The following SLC43A2 variants were observed in gnomAD, a reference collection of about 807,000 sequenced individuals.
The protein encoded by SLC43A2 is solute carrier family 43 member 2.
Under a neutral mutation model 63.2 loss-of-function variants are expected in SLC43A2, and 38 were observed. The ratio of observed to expected loss-of-function variants is 0.60; its 90% confidence interval spans 0.46 to 0.79. SLC43A2 has a LOEUF of 0.79. SLC43A2 is among the 30% of genes least tolerant of loss of function. The pLI is 0.00. For missense variants in SLC43A2, 644 were observed against 756.2 expected (o/e 0.85, Z 1.74); for synonymous variants, 322 against 331.0 (o/e 0.97, Z 0.30).
chr17:1,602,421 G>A (rs1461147054), intron 5 of SLC43A2, among the ~76,000 whole-genome samples: 4 of 152,072 alleles, frequency 2.6e-5, no homozygotes, highest in Admixed American at 2.0e-4. Flanking sequence ...CGAGGCAAGC[G>A]GATCACCTGA....
intron 9 of SLC43A2, among the ~76,000 whole-genome samples, chr17:1,587,193 C>T (rs1469128308): frequency 1.3e-5 from 2 of 152,224 alleles, no homozygotes; most frequent in African/African-American, 2.4e-5. Flanking sequence ...ATGCCCAGCC[C>T]GGGCCCCTGC....
chr17:1,615,475 G>A (rs1907510902), intron 3 of SLC43A2, among the ~76,000 whole-genome samples: 1 of 150,998 alleles, frequency 6.6e-6, no homozygotes, highest in Admixed American at 6.6e-5. Flanking sequence ...GGGGCCGGGA[G>A]CCACTGCACT....
chr17:1,584,866 C>G (rs77941097), intron 10 of SLC43A2, among the ~76,000 whole-genome samples: 4,209 of 152,212 alleles, frequency 0.028, 160 homozygotes, highest in African/African-American at 0.089. Context: ...TTAACTCATC[C>G]TCTGATCTTG....
chr17:1,591,713 C>T lies in SLC43A2; in HGVS notation c.595-14G>A, dbSNP rs753548149. 2.3e-4 allele frequency: 35 copies of T among 154,114 alleles called. No individual in the cohort carries two copies. The Middle Eastern group carries it at 0.012, about 53-fold the overall frequency. 9.5% of individuals were successfully genotyped at this position (154,114 alleles called of 1,614,324 possible). A position where few individuals can be genotyped will look rare whatever the true frequency, so the allele number is the denominator to read the frequency against. ...ATCATAGATGAGCTGACAGGCACCG[C>T]GGGGACGGGGTGGGGGGGGGAGGGG... On this transcript the variant is annotated splice_polypyrimidine_tract_variant and intron_variant, in intron 6 of 13. Coordinates refer to ENST00000301335, the MANE Select transcript of SLC43A2 (RefSeq NM_152346.3).
At chr17:1,592,653 G>A (rs1363862551) in intron 6 of SLC43A2, among the ~76,000 whole-genome samples, 2 of 152,196 alleles carry the variant, frequency 1.3e-5, no homozygotes, top group East Asian at 1.9e-4. Flanking sequence ...GGTGGGAGAA[G>A]CCCCTACGGG....
At chr17:1,627,660 C>G in intron 2 of SLC43A2, 55 bp downstream of exon 2, 1 of 812,642 alleles carries the variant, frequency 1.2e-6, no homozygotes. Context: ...CCATCCCGCC[C>G]CCTCCCAAAG....
rs766512850 is a variant in SLC43A2, at chr17:1,591,481, C to G, written c.729-10G>C. 6.2e-7 allele frequency: 1 copy of G among 1,612,440 alleles called. No individual in the cohort carries two copies. The highest frequency in any genetic ancestry group is 1.7e-5 in the Admixed American group (1 of 59,996). On this transcript the variant is annotated splice_polypyrimidine_tract_variant and intron_variant, in intron 7 of 13. Transcript: ENST00000301335. ...GAACTTGATCTTCACCCTGGGGCCC[C>G]GGGAGAGTGTCTGTGGGTGCTGCCC... is the stretch of plus-strand genomic sequence containing the variant.
At chr17:1,589,649 GCA>G (rs1904564216) in intron 9 of SLC43A2, among the ~76,000 whole-genome samples, 2 of 151,960 alleles carry the variant, frequency 1.3e-5, no homozygotes, top group Non-Finnish European at 2.9e-5. Context: ...AGATGGAGTC[GCA>G]CTCTGTCGCC....
chr17:1,602,790 C>T (rs1194999834), intron 5 of SLC43A2, among the ~76,000 whole-genome samples: 2 of 132,818 alleles, frequency 1.5e-5, no homozygotes, highest in African/African-American at 5.7e-5. Flanking sequence ...TGGAGTTTCG[C>T]TCTTATTGCC....
At chr17:1,597,144 C>T (rs1169494368) in intron 5 of SLC43A2, among the ~76,000 whole-genome samples, 3 of 150,600 alleles carry the variant, frequency 2.0e-5, no homozygotes, top group East Asian at 4.0e-4. Flanking sequence ...TGAACCCAGG[C>T]GGGGGTTGCA....
rs754183781 is a variant in SLC43A2 at position 1,575,069 on chromosome 17, C to T, written c.*535G>A. The T allele has an allele frequency of 1.4e-3, 228 of 167,152 alleles. No homozygotes were observed. Among genetic ancestry groups the T allele is most frequent in the Non-Finnish European group, 2.3e-3 (174 of 75,704 alleles). The allele number at this position is 167,152 out of a possible 1,614,324, so 10.4% of individuals were successfully genotyped here. A position where few individuals can be genotyped will look rare whatever the true frequency, so the allele number is the denominator to read the frequency against. ...CAGGCCCTGGACAGGCGACAGGGGG[C>T]TGGAATTACAAAGGAATTAGCACCG... On this transcript the variant is annotated 3_prime_UTR_variant, in exon 14 of 14. Transcript: ENST00000301335.
intron 5 of SLC43A2, among the ~76,000 whole-genome samples, chr17:1,609,978 C>T (rs552904238): frequency 2.0e-5 from 3 of 151,852 alleles, no homozygotes; most frequent in East Asian, 1.9e-4. Flanking sequence ...GCCGCGGTCT[C>T]GGCTCACTGC....
intron 2 of SLC43A2, among the ~76,000 whole-genome samples, chr17:1,625,764 G>A (rs1322106605): frequency 6.6e-6 from 1 of 152,174 alleles, no homozygotes; most frequent in African/African-American, 2.4e-5. Flanking sequence ...AGGAGCAAAA[G>A]TTCGGGATAA....
At chr17:1,604,961 G>A in intron 5 of SLC43A2, 2 of 1,491,932 alleles carry the variant, frequency 1.3e-6, no homozygotes, top group East Asian at 2.5e-5. Context: ...TGAGCGCTGA[G>A]CAGAGCGCCC....
At position 1,575,696 on chromosome 17, in the gene SLC43A2, G is replaced by T. The variant is rs200306780; in HGVS notation, c.1618C>A (p.Arg540Ser). The change falls in exon 14 of 14, where the codon CGC becomes AGC. Residue 540 changes from arginine to serine, a missense_variant. Arg to Ser is a moderately radical substitution (Grantham distance 110). Transcript: ENST00000301335. The part of the protein sequence containing the change: ...CLPLYLICYR[R>S]QLERQLQQRQ... ...TGCTGCAGCTGCCGCTCCAGCTGGC[G>T]CCGGTAGCAGATCAGGTAGAGCGGG... 11 of 1,614,042 alleles carry T rather than the reference G, an allele frequency of 6.8e-6. 1 individual carries two copies. The East Asian group carries it at 1.3e-4, about 20-fold the overall frequency.
chr17:1,592,381 C>T (rs1447729094), intron 6 of SLC43A2, among the ~76,000 whole-genome samples: 3 of 152,216 alleles, frequency 2.0e-5, no homozygotes, highest in Non-Finnish European at 2.9e-5. Flanking sequence ...GAGCCGAGAT[C>T]GTGCTGCTGC....
chr17:1,622,052 T>C (rs1328146355), intron 2 of SLC43A2, among the ~76,000 whole-genome samples: 1 of 152,132 alleles, frequency 6.6e-6, no homozygotes, highest in Non-Finnish European at 1.5e-5. Context: ...CCAGTGGATG[T>C]CTGTGAGGGA....
rs546457275 is a variant in SLC43A2, at chr17:1,591,649, G to A, written c.645C>T (p.Ala215=). ...VSFIVVLVVW[A]GCSGLVFLNC... is the part of the protein sequence containing the mutation. ...TGAGGAAAACCAGCCCGGAGCAGCCGGCCCAGACCACGAGGACGACGATGA... is the reference window on the plus strand; with the variant it reads ...TGAGGAAAACCAGCCCGGAGCAGCCAGCCCAGACCACGAGGACGACGATGA... The change falls in exon 7 of 14, where the codon GCC becomes GCT. Residue 215 remains alanine, a synonymous_variant. Transcript: ENST00000301335. The A allele has an allele frequency of 1.1e-5, 17 of 1,517,852 alleles. No individual in the cohort carries two copies. In the Admixed American group the frequency reaches 1.8e-4, roughly 16 times the overall value. 94.0% of individuals were successfully genotyped at this position (1,517,852 alleles called of 1,614,324 possible). A position where few individuals can be genotyped will look rare whatever the true frequency, so the allele number is the denominator to read the frequency against.
chr17:1,580,014 C>A (rs2151029893), intron 11 of SLC43A2, among the ~76,000 whole-genome samples: 1 of 152,046 alleles, frequency 6.6e-6, no homozygotes, highest in Admixed American at 6.6e-5. Context: ...GCAAGCTCCG[C>A]CTCCTGGATT....
Sources: allele counts gnomAD v4.1 joint callset (sites outside exome capture counted in the v4.1 genomes callset), GRCh38; gene constraint gnomAD v4.1.1; transcripts MANE v1.5; gene names NCBI Gene and HGNC (gene_info 2026-07-23, HGNC 2026-07-21).